Variants in HYCC2 observed in about 807,000 individuals in gnomAD.
The protein encoded by HYCC2 is hyccin 2.
chr2:201,056,205 T>A, the HYCC2 span, among the ~76,000 whole-genome samples: 78 of 151,078 alleles, frequency 5.2e-4, no homozygotes, highest in East Asian at 2.0e-3. Flanking sequence ...AAAAAAAAAA[T>A]AAATAAAATA....
At chr2:200,991,782 T>G in the HYCC2 span, among the ~76,000 whole-genome samples, 1 of 151,324 alleles carries the variant, frequency 6.6e-6, no homozygotes, top group Non-Finnish European at 1.5e-5. Context: ...TGGAATAGGC[T>G]GGGTGTGGTG....
At chr2:201,066,975 A>G in the HYCC2 span, 1 of 277,032 alleles carries the variant, frequency 3.6e-6, no homozygotes, top group Non-Finnish European at 7.1e-6. Context: ...TGCTGACCAG[A>G]GTTCACCATG....
chr2:201,022,116 T>C, the HYCC2 span: 1 of 1,289,194 alleles, frequency 7.8e-7, no homozygotes, highest in Non-Finnish European at 1.0e-6. Context: ...AGGCTGTATC[T>C]GGGAAGATAA....
the HYCC2 span, chr2:201,052,395 A>G: frequency 6.6e-6 from 1 of 152,446 alleles, no homozygotes; most frequent in Non-Finnish European, 1.5e-5. Flanking sequence ...GCTTGAGCCC[A>G]AGAGTTTGAG....
chr2:200,982,867 C>T, the HYCC2 span, among the ~76,000 whole-genome samples: 1 of 152,154 alleles, frequency 6.6e-6, no homozygotes, highest in Non-Finnish European at 1.5e-5. Context: ...AAGTAATTCT[C>T]CTGCCTCAGC....
At chr2:201,069,408 T>C in the HYCC2 span, among the ~76,000 whole-genome samples, 1 of 152,180 alleles carries the variant, frequency 6.6e-6, no homozygotes, top group Non-Finnish European at 1.5e-5. Flanking sequence ...TAATTTGGAC[T>C]AGTGTTTCTT....
chr2:201,067,243 G>GA, the HYCC2 span: 1,246 of 155,064 alleles, frequency 8.0e-3, 5 homozygotes, highest in African/African-American at 0.018. Flanking sequence ...CTTCTCACCA[G>GA]AAAAAAAAAA....
chr2:200,994,263 G>A, the HYCC2 span, among the ~76,000 whole-genome samples: 1 of 151,680 alleles, frequency 6.6e-6, no homozygotes, highest in Non-Finnish European at 1.5e-5. Context: ...TGGAGACGGA[G>A]TCTCGCTCTG....
chr2:200,988,385 C>T, the HYCC2 span: 3 of 1,612,814 alleles, frequency 1.9e-6, no homozygotes, highest in Non-Finnish European at 1.7e-6. Context: ...GAATCAGGAG[C>T]ATCAAATGGT....
chr2:201,062,687 A>G, the HYCC2 span, among the ~76,000 whole-genome samples: 1 of 148,520 alleles, frequency 6.7e-6, no homozygotes, highest in Non-Finnish European at 1.5e-5. Context: ...GAGTGGTAGC[A>G]AGCGCCTGTA....
At chr2:201,038,790 T>C in the HYCC2 span, among the ~76,000 whole-genome samples, 2 of 152,068 alleles carry the variant, frequency 1.3e-5, no homozygotes, top group Non-Finnish European at 2.9e-5. Flanking sequence ...ATATACCTAA[T>C]GTTAAATGAT....
chr2:200,988,556 T>G, the HYCC2 span: 3 of 561,046 alleles, frequency 5.3e-6, no homozygotes, highest in Non-Finnish European at 5.8e-6. Flanking sequence ...TTTGTTGTTC[T>G]GTATTCTTTT....
chr2:200,977,973 G>A, the HYCC2 span: 5 of 151,960 alleles, frequency 3.3e-5, no homozygotes, highest in South Asian at 2.1e-4. Context: ...TATCCAACTT[G>A]GCATACATGG....
the HYCC2 span, among the ~76,000 whole-genome samples, chr2:200,982,080 C>A: frequency 6.6e-6 from 1 of 151,862 alleles, no homozygotes; most frequent in Non-Finnish European, 1.5e-5. Context: ...TTTATTTAGT[C>A]CAGTTTTTGT....
At chr2:200,991,315 C>A in the HYCC2 span, among the ~76,000 whole-genome samples, 359 of 151,846 alleles carry the variant, frequency 2.4e-3, 1 homozygote, top group African/African-American at 8.0e-3. Flanking sequence ...ACTAAAAATA[C>A]AAAAATTCGC....
chr2:200,975,292 G>A, the HYCC2 span: 1 of 151,952 alleles, frequency 6.6e-6, no homozygotes, highest in East Asian at 1.9e-4. Flanking sequence ...ATATTTGGTA[G>A]ATACATTTTC....
the HYCC2 span, among the ~76,000 whole-genome samples, chr2:200,999,390 C>CTT: frequency 6.9e-6 from 1 of 145,720 alleles, no homozygotes. Context: ...CCTCTCCCCA[C>CTT]TTTTTTTTTT....
At chr2:201,041,032 C>T in the HYCC2 span, among the ~76,000 whole-genome samples, 2 of 152,260 alleles carry the variant, frequency 1.3e-5, no homozygotes, top group Admixed American at 1.3e-4. Context: ...ATACTCAAAC[C>T]CGCTGTCCCT....
the HYCC2 span, among the ~76,000 whole-genome samples, chr2:201,042,860 G>A: frequency 2.1e-5 from 3 of 145,824 alleles, no homozygotes; most frequent in African/African-American, 7.7e-5. Context: ...GAGGTGGGGG[G>A]GCCCCTCTGC....
Sources: allele counts gnomAD v4.1 joint callset (sites outside exome capture counted in the v4.1 genomes callset), GRCh38; gene constraint gnomAD v4.1.1; transcripts MANE v1.5; gene names NCBI Gene and HGNC (gene_info 2026-07-23, HGNC 2026-07-21).